Variants in CBLB observed in about 807,000 individuals in gnomAD.
CBLB encodes Cbl proto-oncogene B.
CBLB carries 31 observed loss-of-function variants against 104.9 expected under a neutral mutation model. The observed-to-expected ratio is 0.30, with a 90% CI of 0.22 to 0.40. The LOEUF (loss-of-function observed/expected upper bound fraction) is 0.40, where lower values mean the gene tolerates loss of function less well. CBLB is among the 10% of genes least tolerant of loss of function. The pLI is 1.00. For missense variants in CBLB, 1,062 were observed against 1,214.6 expected (o/e 0.87, Z 1.87); for synonymous variants, 440 against 422.6 (o/e 1.04, Z -0.51).
At chr3:105,774,091 C>A (rs879495067) in intron 4 of CBLB, among the ~76,000 whole-genome samples, 7 of 152,164 alleles carry the variant, frequency 4.6e-5, no homozygotes, top group Non-Finnish European at 1.0e-4. Flanking sequence ...ATCTTGAGGG[C>A]GCTGCCCTCA....
At chr3:105,717,735 A>G (rs1559938955) in intron 10 of CBLB, among the ~76,000 whole-genome samples, 1 of 152,154 alleles carries the variant, frequency 6.6e-6, no homozygotes, top group East Asian at 1.9e-4. Flanking sequence ...CAGTACATCA[A>G]TATCACCAGC....
chr3:105,806,312 T>C (rs1207306622), intron 3 of CBLB, among the ~76,000 whole-genome samples: 27 of 152,164 alleles, frequency 1.8e-4, no homozygotes, highest in Non-Finnish European at 4.0e-4. Context: ...TGTAAATACC[T>C]TGTAACAAAC....
At chr3:105,857,294 T>A (rs2091712370) in intron 2 of CBLB, among the ~76,000 whole-genome samples, 3 of 152,216 alleles carry the variant, frequency 2.0e-5, no homozygotes, top group Admixed American at 6.5e-5. Flanking sequence ...TGTGGGAATT[T>A]ATTGCTTTAT....
intron 13 of CBLB, among the ~76,000 whole-genome samples, chr3:105,690,534 A>T (rs1386719366): frequency 6.6e-6 from 1 of 152,142 alleles, no homozygotes; most frequent in Non-Finnish European, 1.5e-5. Context: ...TGTTAAAAAT[A>T]AGACAAAGGC....
At chr3:105,677,207 C>T (rs146251095) in intron 17 of CBLB, among the ~76,000 whole-genome samples, 3 of 152,176 alleles carry the variant, frequency 2.0e-5, no homozygotes, top group East Asian at 3.9e-4. Context: ...ATGGCTCAAT[C>T]AATATTTACT....
At chr3:105,706,249 G>A (rs886846819) in intron 10 of CBLB, among the ~76,000 whole-genome samples, 3 of 152,162 alleles carry the variant, frequency 2.0e-5, no homozygotes, top group African/African-American at 7.2e-5. Flanking sequence ...CTTTGTCTCT[G>A]TTGGTGCCGA....
chr3:105,812,161 T>C lies in CBLB; in HGVS notation c.420-35619A>G, dbSNP rs1005755442. Among the ~76,000 whole-genome samples, 4 of 152,156 alleles carry C rather than the reference T, an allele frequency of 2.6e-5. No individual in the cohort carries two copies. The South Asian group carries it at 6.2e-4, about 24-fold the overall frequency. On this transcript the variant is annotated intron_variant, in intron 3 of 18. Transcript: ENST00000394030. The stretch of plus-strand genomic sequence containing the variant: ...GGCATATACAGTTAAAGAGGACAAA[T>C]AGGTAGATGCAGAAATTGGCATATA...
At chr3:105,710,965 C>T (rs1238758399) in intron 10 of CBLB, among the ~76,000 whole-genome samples, 1 of 151,944 alleles carries the variant, frequency 6.6e-6, no homozygotes, top group African/African-American at 2.4e-5. Flanking sequence ...TCAGCAATTA[C>T]CAATAATAAT....
At chr3:105,704,235 T>A in intron 10 of CBLB, 62 bp from the exon 11 acceptor site, 1 of 1,491,464 alleles carries the variant, frequency 6.7e-7, no homozygotes, top group Non-Finnish European at 9.4e-7. Flanking sequence ...TCTCTGTTCT[T>A]AAAGAATATA....
chr3:105,748,472 C>G (rs956644639), intron 5 of CBLB, among the ~76,000 whole-genome samples: 1 of 152,132 alleles, frequency 6.6e-6, no homozygotes, highest in Non-Finnish European at 1.5e-5. Flanking sequence ...AATGTAGTGC[C>G]CCATTTCTCA....
rs1003307817 is a variant in CBLB, at chr3:105,837,807, T to A, written c.419+15607A>T. On this transcript the variant is annotated intron_variant, in intron 3 of 18. Transcript: ENST00000394030. Reference sequence around the variant, plus strand: ...AAAATCGCCAGTACTCATTCCCAAATGTGAAGAAGCTGACATTCAGAGTGT... The same window carrying A: ...AAAATCGCCAGTACTCATTCCCAAAAGTGAAGAAGCTGACATTCAGAGTGT... 3.9e-5 allele frequency among the ~76,000 whole-genome samples: 6 copies of A among 152,172 alleles called. No individual in the cohort carries two copies. In the South Asian group the frequency reaches 1.0e-3, roughly 26 times the overall value.
At chr3:105,786,687 T>C (rs1036018417) in intron 3 of CBLB, among the ~76,000 whole-genome samples, 1 of 152,210 alleles carries the variant, frequency 6.6e-6, no homozygotes, top group African/African-American at 2.4e-5. Context: ...CAGTCTAAAA[T>C]TGCTTTAAAC....
At chr3:105,762,714 G>A (rs2077774323) in intron 4 of CBLB, among the ~76,000 whole-genome samples, 1 of 152,210 alleles carries the variant, frequency 6.6e-6, no homozygotes, top group Admixed American at 6.5e-5. Flanking sequence ...ATCTGCTGCA[G>A]GGGCAGAGCC....
chr3:105,846,208 T>C (rs1039979097), intron 3 of CBLB, among the ~76,000 whole-genome samples: 3 of 151,882 alleles, frequency 2.0e-5, no homozygotes, highest in Non-Finnish European at 4.4e-5. Flanking sequence ...CTACTTGCAA[T>C]TGGTCCTTTG....
chr3:105,732,021 G>A (rs1032226752), intron 9 of CBLB, among the ~76,000 whole-genome samples: 26 of 152,198 alleles, frequency 1.7e-4, no homozygotes, highest in African/African-American at 5.3e-4. Context: ...TTTCTTCAGG[G>A]AGAAATGCAA....
At chr3:105,676,043 G>T (rs1434677580) in intron 17 of CBLB, among the ~76,000 whole-genome samples, 3 of 149,996 alleles carry the variant, frequency 2.0e-5, no homozygotes, top group Non-Finnish European at 4.4e-5. Context: ...ATTGGGAAGA[G>T]AATTAGAATA....
chr3:105,866,621 A>G (rs184598129), intron 2 of CBLB, among the ~76,000 whole-genome samples: 209 of 152,358 alleles, frequency 1.4e-3, no homozygotes, highest in Admixed American at 2.5e-3. Context: ...CATACTTAGT[A>G]AGGTAGGATA....
chr3:105,756,032 G>T (rs2028598), intron 4 of CBLB, among the ~76,000 whole-genome samples: 10,408 of 152,228 alleles, frequency 0.068, 508 homozygotes, highest in Admixed American at 0.15. Context: ...TAACTGGCTT[G>T]TGGAAGGGAT....
chr3:105,805,658 A>G (rs991553140), intron 3 of CBLB, among the ~76,000 whole-genome samples: 1 of 152,134 alleles, frequency 6.6e-6, no homozygotes, highest in Non-Finnish European at 1.5e-5. Context: ...TGCCAGGTTC[A>G]TTAAAAACCC....
Sources: allele counts gnomAD v4.1 joint callset (sites outside exome capture counted in the v4.1 genomes callset), GRCh38; gene constraint gnomAD v4.1.1; transcripts MANE v1.5; gene names NCBI Gene and HGNC (gene_info 2026-07-23, HGNC 2026-07-21).